The following BEAN1 variants were observed in gnomAD, a reference collection of about 807,000 sequenced individuals.
The protein encoded by BEAN1 is protein BEAN1.
Under a neutral mutation model 17.7 loss-of-function variants are expected in BEAN1, and 17 were observed. The observed-to-expected ratio is 0.96, with a 90% CI of 0.66 to 1.44. The LOEUF is 1.44. Ranked by LOEUF, BEAN1 falls within the 40% of genes most tolerant of loss-of-function variation. The pLI is 0.00. For synonymous variants in BEAN1, 142 were observed against 151.8 expected, an observed-to-expected ratio of 0.94 and a Z score of 0.47; for missense variants, 359 against 374.1, an observed-to-expected ratio of 0.96 and a Z score of 0.33.
rs1045668487 is a variant in BEAN1, at chr16:66,473,153, C to T, written c.289+3288C>T. Among the ~76,000 whole-genome samples the T allele has an allele frequency of 3.3e-5, 5 of 152,162 alleles. No homozygotes were observed. Among genetic ancestry groups the T allele is most frequent in the Non-Finnish European group, 7.3e-5 (5 of 68,030 alleles). On this transcript the variant is annotated intron_variant, in intron 3 of 4. Transcript: ENST00000536005. The surrounding 1 kb of genome is among the most constrained non-coding windows in gnomAD (Gnocchi z 4.5). ...GAGAGGGCTGAGGGGTTGGCCTTGGCGCAGAGGAAAGAGATGGGCTTAGGG... is the reference window on the plus strand; with the variant it reads ...GAGAGGGCTGAGGGGTTGGCCTTGGTGCAGAGGAAAGAGATGGGCTTAGGG...
chr16:66,437,168 G>C (rs1962059164), intron 1 of BEAN1, among the ~76,000 whole-genome samples: 1 of 152,152 alleles, frequency 6.6e-6, no homozygotes, highest in South Asian at 2.1e-4. Context: ...TCAAAAGCCA[G>C]CTGTGAGAGC....
At chr16:66,474,155 A>C (rs2142445053) in intron 3 of BEAN1, among the ~76,000 whole-genome samples, 1 of 152,324 alleles carries the variant, frequency 6.6e-6, no homozygotes, top group South Asian at 2.1e-4. Context: ...TCTTTGCCTC[A>C]GGCGAGTCAT....
intron 3 of BEAN1, chr16:66,470,173 T>TGGATGGAC (rs1963425327): frequency 7.3e-6 from 2 of 273,188 alleles, no homozygotes; most frequent in East Asian, 1.7e-4. Flanking sequence ...GGTGTCTCGA[T>TGGATGGAC]GGATGGATGG....
At chr16:66,467,074 T>C (rs1963282498) in intron 2 of BEAN1, among the ~76,000 whole-genome samples, 1 of 152,212 alleles carries the variant, frequency 6.6e-6, no homozygotes, top group African/African-American at 2.4e-5. Context: ...ATACATGCTC[T>C]ATGCAAGACA....
rs1963811244 is a variant in BEAN1 at position 66,477,706 on chromosome 16, C to A, written c.436C>A (p.Pro146Thr). ...VLRELYPDSP[P>T]GYEECVGPGA... ...CAGGGAGCTGTACCCAGATTCTCCA[C>A]CAGGGTAAGGAGGCCTCATGGGGAA... Residue 146 changes from proline to threonine, a missense_variant, in exon 4 of 5, where the codon CCA (proline) becomes ACA (threonine). Transcript: ENST00000536005. 1 of 1,546,172 alleles carries A rather than the reference C, an allele frequency of 6.5e-7. No individual in the cohort carries two copies.
chr16:66,448,356 G>A (rs1246790599), intron 2 of BEAN1, among the ~76,000 whole-genome samples: 1 of 152,138 alleles, frequency 6.6e-6, no homozygotes, highest in Non-Finnish European at 1.5e-5. Flanking sequence ...TTTACACTGT[G>A]GAAAATGACA....
In BEAN1 at chr16:66,434,703, G is replaced by A. The variant is rs1041062929; in HGVS notation, c.-82-2892G>A. 6.6e-6 allele frequency among the ~76,000 whole-genome samples: 1 copy of A among 152,116 alleles called. No homozygotes were observed. Among genetic ancestry groups the A allele is most frequent in the Non-Finnish European group, 1.5e-5 (1 of 68,018 alleles). On this transcript the variant is annotated intron_variant, in intron 1 of 4. Coordinates refer to ENST00000536005, the MANE Select transcript of BEAN1 (RefSeq NM_001178020.3). This position sits in a 1 kb window ranked among gnomAD's most constrained non-coding sequence, Gnocchi z 4.3. ...GGCAGCCCGGGTTACTGTTGGCATC[G>A]TGGTCACCAATGGTGACAAGATGCC...
rs1963571016 is a variant in BEAN1 at position 66,473,603 on chromosome 16, G to T, written c.289+3738G>T. Among the ~76,000 whole-genome samples the T allele has an allele frequency of 1.3e-5, 2 of 152,040 alleles. No individual in the cohort carries two copies. The highest frequency in any genetic ancestry group is 2.9e-5 in the Non-Finnish European group (2 of 68,026). On this transcript the variant is annotated intron_variant, in intron 3 of 4. Coordinates refer to ENST00000536005, the MANE Select transcript of BEAN1 (RefSeq NM_001178020.3). The surrounding 1 kb of genome is among the most constrained non-coding windows in gnomAD (Gnocchi z 4.5). The stretch of plus-strand genomic sequence containing the variant: ...TCCCAGCACTTTGGGAGGCCAAGGT[G>T]GGAGGATAGCTTGAGCTCAGGGGTT...
chr16:66,454,729 C>CTTTTTTTTTTT (rs538469751), intron 2 of BEAN1, among the ~76,000 whole-genome samples: 14 of 83,662 alleles, frequency 1.7e-4, no homozygotes, highest in South Asian at 4.5e-4. Context: ...TTCTTTCTTT[C>CTTTTTTTTTTT]TTTTTTTTTT....
chr16:66,488,710 CAA>C (rs1964124528), intron 4 of BEAN1, among the ~76,000 whole-genome samples: 2 of 149,570 alleles, frequency 1.3e-5, no homozygotes, highest in Admixed American at 1.3e-4. Flanking sequence ...AAACAAAAAA[CAA>C]AAACAAACAA....
chr16:66,480,504 C>T, intron 4 of BEAN1, 82 bp from the exon 5 acceptor site: 6 of 1,156,284 alleles, frequency 5.2e-6, no homozygotes, highest in Non-Finnish European at 6.0e-6. Context: ...CAGCTTGTCA[C>T]TGCAGATAGA....
chr16:66,432,624 TTGTC>T (rs1159588012), intron 1 of BEAN1, among the ~76,000 whole-genome samples: 1 of 152,220 alleles, frequency 6.6e-6, no homozygotes, highest in Non-Finnish European at 1.5e-5. Context: ...GACACAGTGA[TTGTC>T]TGAGCTATCA....
At chr16:66,464,786 T>C (rs963351660) in intron 2 of BEAN1, among the ~76,000 whole-genome samples, 3 of 152,262 alleles carry the variant, frequency 2.0e-5, no homozygotes, top group African/African-American at 4.8e-5. Context: ...TTATTAGTTC[T>C]AATAGTTTTT....
exon 5 of BEAN1, chr16:66,493,077 T>C (rs185256699): frequency 2.3e-5 from 16 of 702,962 alleles, no homozygotes; most frequent in Admixed American, 4.0e-5. Context: ...TTCTCACTGG[T>C]CCAGGCCATC....
intron 2 of BEAN1, among the ~76,000 whole-genome samples, chr16:66,459,619 C>G (rs1963006604): frequency 6.6e-6 from 1 of 152,192 alleles, no homozygotes; most frequent in African/African-American, 2.4e-5. Context: ...CTGCACCTGT[C>G]CCAAAGGACA....
chr16:66,445,475 C>CAAAAAAAAAA lies in BEAN1; in HGVS notation c.25+7805_25+7814dup, dbSNP rs61540693. ...TGGGCAAGAGAGTGAGACTCCGTCT[C>CAAAAAAAAAA]AAAAAAAAAAAAAAAAAAAAAAAAA... On this transcript the variant is annotated intron_variant, in intron 2 of 4. Coordinates refer to ENST00000536005, the MANE Select transcript of BEAN1 (RefSeq NM_001178020.3). Among the ~76,000 whole-genome samples, 19 of 49,326 alleles carry CAAAAAAAAAA rather than the reference C, an allele frequency of 3.9e-4. 2 individuals are homozygous for CAAAAAAAAAA. The highest frequency in any genetic ancestry group is 5.7e-4 in the African/African-American group (7 of 12,364). 32.4% of individuals were successfully genotyped at this position (49,326 alleles called of 152,430 possible). A position where few individuals can be genotyped will look rare whatever the true frequency, so the allele number is the denominator to read the frequency against.
chr16:66,449,145 A>T (rs1962570655), intron 2 of BEAN1, among the ~76,000 whole-genome samples: 1 of 152,136 alleles, frequency 6.6e-6, no homozygotes, highest in Non-Finnish European at 1.5e-5. Flanking sequence ...TTATTTTTGA[A>T]TTTTATATAT....
downstream of BEAN1, chr16:66,483,766 G>A (rs1326426870): frequency 6.6e-6 from 1 of 152,430 alleles, no homozygotes; most frequent in Non-Finnish European, 1.5e-5. Context: ...AAAGTGGGGT[G>A]CAATCCTGAA....
chr16:66,449,205 T>C (rs1328284532), intron 2 of BEAN1, among the ~76,000 whole-genome samples: 1 of 152,190 alleles, frequency 6.6e-6, no homozygotes, highest in Non-Finnish European at 1.5e-5. Context: ...CTCAGTATTA[T>C]GTTGTGAGAT....
Sources: allele counts gnomAD v4.1 joint callset (sites outside exome capture counted in the v4.1 genomes callset), GRCh38; gene constraint gnomAD v4.1.1; non-coding constraint Gnocchi (gnomAD v3.1); transcripts MANE v1.5; gene names NCBI Gene and HGNC (gene_info 2026-07-23, HGNC 2026-07-21).